Variants in ORC3 observed in about 807,000 individuals in gnomAD.
ORC3 encodes the protein origin recognition complex subunit 3.
In ORC3, 78 loss-of-function variants were observed where a neutral mutation model predicts 100.7. The observed-to-expected ratio is 0.77, with a 90% CI of 0.65 to 0.94. The LOEUF (loss-of-function observed/expected upper bound fraction) is 0.94, where lower values mean the gene tolerates loss of function less well. ORC3 is among the 40% of genes least tolerant of loss of function. ORC3 has a pLI of 0.00. For missense variants in ORC3, 789 were observed against 823.9 expected, an observed-to-expected ratio of 0.96 and a Z score of 0.52; for synonymous variants, 295 against 289.3, an observed-to-expected ratio of 1.02 and a Z score of -0.20.
At chr6:87,630,949 C>T (rs1193829959) in intron 11 of ORC3, among the ~76,000 whole-genome samples, 1 of 152,000 alleles carries the variant, frequency 6.6e-6, no homozygotes, top group Non-Finnish European at 1.5e-5. Context: ...TAGCTTGCTG[C>T]AGCCTTGACT....
chr6:87,664,645 C>G, intron 17 of ORC3, 98 bp from the exon 18 acceptor site: 1 of 857,722 alleles, frequency 1.2e-6, no homozygotes, highest in Non-Finnish European at 1.9e-6. Flanking sequence ...ATTCCATTTA[C>G]TGGTTTACTC....
In ORC3 at chr6:87,657,915, C is replaced by G. The variant is rs778384592; in HGVS notation, c.1594-6C>G. ...CACCAGAAAAGCTATGTTCTTTTAT[C>G]TATAGTCCTTATTGGAAATGAAGGA... is the stretch of plus-strand genomic sequence containing the variant. On this transcript the variant is annotated splice_region_variant and splice_polypyrimidine_tract_variant and intron_variant, in intron 15 of 19. Transcript: ENST00000392844. The G allele has an allele frequency of 6.9e-7, 1 of 1,448,382 alleles. No individual in the cohort carries two copies. Among genetic ancestry groups the G allele is most frequent in the Non-Finnish European group, 9.7e-7 (1 of 1,029,340 alleles). 89.7% of individuals were successfully genotyped at this position (1,448,382 alleles called of 1,614,324 possible). A position where few individuals can be genotyped will look rare whatever the true frequency, so the allele number is the denominator to read the frequency against.
intron 1 of ORC3, among the ~76,000 whole-genome samples, chr6:87,593,725 C>T (rs991237258): frequency 4.6e-5 from 7 of 152,234 alleles, no homozygotes; most frequent in East Asian, 3.8e-4. Context: ...GACAGAGCTT[C>T]GCTCTTTGTT....
chr6:87,601,282 T>C (rs1198784130), intron 2 of ORC3, among the ~76,000 whole-genome samples: 1 of 152,138 alleles, frequency 6.6e-6, no homozygotes, highest in Non-Finnish European at 1.5e-5. Context: ...ATCTTAAATA[T>C]GCCATAAATA....
At chr6:87,641,571 C>G (rs1768259902) in intron 13 of ORC3, among the ~76,000 whole-genome samples, 1 of 152,166 alleles carries the variant, frequency 6.6e-6, no homozygotes, top group Admixed American at 6.6e-5. Context: ...AGTGTCTAGT[C>G]TGCTTATCCT....
In ORC3 at chr6:87,609,151, C is replaced by G. The variant is rs1023624006; in HGVS notation, c.635C>G (p.Ser212Cys). Residue 212 changes from serine to cysteine, a missense_variant, in exon 7 of 20, where the codon TCT becomes TGT. Ser to Cys is a moderately radical substitution (Grantham distance 112). Around this residue, in one of 3 missense-constraint regions of ORC3, gnomAD observed 399 missense variants for 382.0 expected, o/e 1.04. Transcript: ENST00000392844. The stretch of plus-strand genomic sequence containing the variant: ...AGGACTACTTCTAGCCAATGGCAGT[C>G]TCCTCCTGTTGTCGTTATCTTGAAG... ...KKRTTSSQWQSPPVVVILKDM... is the reference protein window; with the variant it reads ...KKRTTSSQWQCPPVVVILKDM... The G allele has an allele frequency of 6.2e-7, 1 of 1,609,894 alleles. No individual in the cohort carries two copies.
At chr6:87,665,939 C>A in intron 19 of ORC3, 106 bp downstream of exon 19, 1 of 620,246 alleles carries the variant, frequency 1.6e-6, no homozygotes, top group Non-Finnish European at 2.9e-6. Context: ...CTCCAAACAA[C>A]CGTATTACTT....
At chr6:87,607,982 G>A (rs557191343) in intron 6 of ORC3, among the ~76,000 whole-genome samples, 158 bp downstream of exon 6, 124 of 152,252 alleles carry the variant, frequency 8.1e-4, no homozygotes, top group Non-Finnish European at 1.4e-3. Flanking sequence ...AATGCTACTC[G>A]AATTTTAAAA....
intron 16 of ORC3, among the ~76,000 whole-genome samples, chr6:87,659,058 ATTTTTTTTTTT>A (rs71021316): frequency 1.1e-5 from 1 of 93,276 alleles, no homozygotes; most frequent in Non-Finnish European, 2.0e-5. Context: ...GTTTATTGTA[ATTTTTTTTTTT>A]TTTTTTTTTT....
intron 2 of ORC3, among the ~76,000 whole-genome samples, chr6:87,596,578 T>C (rs1777464370): frequency 1.3e-5 from 2 of 152,150 alleles, no homozygotes; most frequent in African/African-American, 4.8e-5. Context: ...ATGTTCTCTG[T>C]TGACAGAGTG....
chr6:87,617,474 C>T (rs936699174), intron 9 of ORC3, among the ~76,000 whole-genome samples: 2 of 152,074 alleles, frequency 1.3e-5, no homozygotes, highest in Non-Finnish European at 2.9e-5. Flanking sequence ...GTGGCTCATG[C>T]GTATAATCCC....
At chr6:87,656,575 A>C (rs1769709423) in intron 14 of ORC3, among the ~76,000 whole-genome samples, 1 of 152,122 alleles carries the variant, frequency 6.6e-6, no homozygotes, top group Admixed American at 6.5e-5. Context: ...CAACAGAGCA[A>C]GACTCCATCT....
chr6:87,665,771 G>A lies in ORC3; in HGVS notation c.1968G>A (p.Val656=), dbSNP rs765878655. The change falls in exon 19 of 20, where the codon GTG becomes GTA. Residue 656 remains valine, a synonymous_variant. Transcript: ENST00000392844. ...VDWSEAFATV[V]TAAEKMDANS... ...TTCAAAAGGCTTTTGCAACAGTTGT[G>A]ACAGCTGCTGAAAAAATGGATGCAA... The A allele has an allele frequency of 1.2e-6, 2 of 1,611,032 alleles. No individual in the cohort carries two copies.
chr6:87,590,407 T>G (rs1401649647), intron 1 of ORC3, among the ~76,000 whole-genome samples: 1 of 152,132 alleles, frequency 6.6e-6, no homozygotes, highest in Non-Finnish European at 1.5e-5. Flanking sequence ...GCTAGGAGGA[T>G]TTTTAAGTTC....
chr6:87,593,835 T>TACAA (rs1371675623), intron 1 of ORC3, among the ~76,000 whole-genome samples: 3 of 152,232 alleles, frequency 2.0e-5, no homozygotes, highest in Non-Finnish European at 2.9e-5. Flanking sequence ...TAGCTGGGAT[T>TACAA]ACAGGCTCAC....
At chr6:87,646,835 A>G (rs984573934) in intron 13 of ORC3, among the ~76,000 whole-genome samples, 1 of 152,188 alleles carries the variant, frequency 6.6e-6, no homozygotes. Flanking sequence ...TTTATGTCCT[A>G]TTTAATACCT....
At chr6:87,621,599 T>G (rs999167359) in intron 10 of ORC3, 112 bp downstream of exon 10, 8 of 707,934 alleles carry the variant, frequency 1.1e-5, no homozygotes, top group Non-Finnish European at 1.6e-5. Flanking sequence ...ACCTATTCTG[T>G]TTTTAATTGT....
chr6:87,647,369 A>G (rs1023853266), intron 13 of ORC3, among the ~76,000 whole-genome samples: 1 of 151,852 alleles, frequency 6.6e-6, no homozygotes, highest in African/African-American at 2.4e-5. Flanking sequence ...CTTTGCACCC[A>G]TTGTTCTGTC....
At chr6:87,597,428 A>G (rs1777531641) in intron 2 of ORC3, among the ~76,000 whole-genome samples, 1 of 152,138 alleles carries the variant, frequency 6.6e-6, no homozygotes. Flanking sequence ...GATCAATTGA[A>G]TTAGAATCTC....
Sources: gnomAD v4.1 joint callset for allele counts (sites outside exome capture counted in the v4.1 genomes callset) on GRCh38, gnomAD v4.1.1 for gene constraint, gnomAD v4.1.1 regional missense constraint, MANE v1.5 for transcripts, NCBI Gene and HGNC (gene_info 2026-07-23, HGNC 2026-07-21) for gene names.